CDH13: variants seen among roughly 807,000 people sequenced by gnomAD.
CDH13 encodes cadherin-13.
A neutral mutation model predicts 63.8 loss-of-function variants in CDH13; 24 were observed. That is an observed-to-expected ratio of 0.38 (90% CI 0.27 to 0.53). CDH13 has a LOEUF of 0.53. Among genes scored for constraint, CDH13 ranks in the 20% least tolerant of loss-of-function variants. The probability of loss-of-function intolerance (pLI) is 0.85; values close to 1 mark genes in which losing one functional copy is unlikely to be tolerated. For missense variants in CDH13, 1,049 were observed against 903.1 expected (o/e 1.16, Z -2.07); for synonymous variants, 503 against 355.3 (o/e 1.42, Z -4.67).
chr16:82,858,466 T>A lies in CDH13; in HGVS notation c.150T>A (p.Ile50=), dbSNP rs942768125. The change falls in exon 2 of 14, where the codon ATT becomes ATA. Residue 50 remains isoleucine (I), a synonymous_variant. Coordinates refer to ENST00000567109, the MANE Select transcript of CDH13 (RefSeq NM_001257.5). Reference sequence around the variant, plus strand: ...CTGAATTCATTGAGGACCAGTCAATTCTAAACTGTAAGCAATGTCACTCAA... The same window carrying A: ...CTGAATTCATTGAGGACCAGTCAATACTAAACTGTAAGCAATGTCACTCAA... ...QPAEFIEDQS[I]LNLTFSDCKG... 1 of 1,592,302 alleles carries A rather than the reference T, an allele frequency of 6.3e-7. No individual in the cohort carries two copies.
At chr16:83,385,089 A>G (rs2091646609) in intron 6 of CDH13, among the ~76,000 whole-genome samples, 1 of 152,242 alleles carries the variant, frequency 6.6e-6, no homozygotes, top group Admixed American at 6.5e-5. Flanking sequence ...GGGTCATGAA[A>G]TTGCATGCAT....
intron 6 of CDH13, among the ~76,000 whole-genome samples, chr16:83,347,783 C>T (rs2090870253): frequency 6.6e-6 from 1 of 152,206 alleles, no homozygotes; most frequent in South Asian, 2.1e-4. Flanking sequence ...GCCACATCTG[C>T]CTTAATTCTC....
At chr16:82,827,217 C>T (rs1259602600) in intron 1 of CDH13, among the ~76,000 whole-genome samples, 2 of 152,144 alleles carry the variant, frequency 1.3e-5, no homozygotes. Context: ...TTTGTAATTT[C>T]CCAGACAGAG....
In CDH13 at chr16:82,642,513, G is replaced by A. The variant is rs567629116; in HGVS notation, c.45+15376G>A. On this transcript the variant is annotated intron_variant, in intron 1 of 13. Coordinates refer to ENST00000567109, the MANE Select transcript of CDH13 (RefSeq NM_001257.5). ...TTTTCTCTCTCTCTTTGGTGGGAGAGCTGGCTTTCCATTAGTTAAATGTGC... is the reference window on the plus strand; with the variant it reads ...TTTTCTCTCTCTCTTTGGTGGGAGAACTGGCTTTCCATTAGTTAAATGTGC... 2.0e-5 allele frequency among the ~76,000 whole-genome samples: 3 copies of A among 152,288 alleles called. No homozygotes were observed. The South Asian group carries it at 6.2e-4, about 32-fold the overall frequency.
At chr16:83,531,862 C>T (rs1286114399) in intron 7 of CDH13, among the ~76,000 whole-genome samples, 2 of 152,178 alleles carry the variant, frequency 1.3e-5, no homozygotes, top group African/African-American at 4.8e-5. Flanking sequence ...GTTATTTCAA[C>T]CTAACAGTTT....
At chr16:83,016,487 G>A (rs982314572) in intron 2 of CDH13, among the ~76,000 whole-genome samples, 1 of 152,190 alleles carries the variant, frequency 6.6e-6, no homozygotes, top group Non-Finnish European at 1.5e-5. Flanking sequence ...TGCCCTCAAG[G>A]ATCTTCCAGA....
intron 6 of CDH13, among the ~76,000 whole-genome samples, chr16:83,480,963 A>T (rs2073746721): frequency 6.6e-6 from 1 of 152,206 alleles, no homozygotes; most frequent in Non-Finnish European, 1.5e-5. Context: ...AACGTTGTGC[A>T]CTACAGGATC....
chr16:82,633,674 G>A (rs1337417540), intron 1 of CDH13, among the ~76,000 whole-genome samples: 2 of 152,210 alleles, frequency 1.3e-5, no homozygotes, highest in African/African-American at 2.4e-5. Context: ...CACTGCGCCT[G>A]GCCAAGTACC....
intron 6 of CDH13, among the ~76,000 whole-genome samples, chr16:83,471,973 T>C (rs575280427): frequency 9.2e-5 from 14 of 152,340 alleles, no homozygotes; most frequent in African/African-American, 3.1e-4. Context: ...CATTTCACAC[T>C]AACCTTGCTT....
chr16:82,968,035 G>GACTCTA (rs1908116230), intron 2 of CDH13, among the ~76,000 whole-genome samples: 1 of 152,162 alleles, frequency 6.6e-6, no homozygotes. Context: ...CTAATGGCAT[G>GACTCTA]AGTCCTTCTA....
At chr16:83,647,046 C>T (rs373256530) in intron 8 of CDH13, among the ~76,000 whole-genome samples, 134 of 152,110 alleles carry the variant, frequency 8.8e-4, no homozygotes, top group Middle Eastern at 3.4e-3. Context: ...CGCGGTGGCT[C>T]ACGCCTGTAA....
At position 83,298,176 on chromosome 16, in the gene CDH13, G is replaced by A. The variant is rs114322043; in HGVS notation, c.637-46686G>A. The stretch of plus-strand genomic sequence containing the variant: ...GAGGAAAGCTTGAGCCCAAGAGGTC[G>A]AGGCTGTAGCGAGCAATGATCGCCC... On this transcript the variant is annotated intron_variant, in intron 5 of 13. Transcript: ENST00000567109. Among the ~76,000 whole-genome samples the A allele has an allele frequency of 4.6e-3, 707 of 152,082 alleles. 7 individuals carry two copies. Among genetic ancestry groups the A allele is most frequent in the Middle Eastern group, 0.014 (4 of 294 alleles).
intron 1 of CDH13, among the ~76,000 whole-genome samples, chr16:82,683,220 T>C (rs1476487440): frequency 1.3e-5 from 2 of 152,222 alleles, no homozygotes; most frequent in African/African-American, 4.8e-5. Context: ...TCTTGTTTAT[T>C]GCATCTGGGT....
chr16:83,575,833 A>G lies in CDH13; in HGVS notation c.961-26621A>G, dbSNP rs1343817016. Reference sequence around the variant, plus strand: ...TAATATCTGCCTCCCACACTGGGCTATAGTTTGTGTAAGAGCAAGGTCCAG... The same window carrying G: ...TAATATCTGCCTCCCACACTGGGCTGTAGTTTGTGTAAGAGCAAGGTCCAG... On this transcript the variant is annotated intron_variant, in intron 7 of 13. Transcript: ENST00000567109. Among the ~76,000 whole-genome samples the G allele has an allele frequency of 3.3e-5, 5 of 152,220 alleles. No individual in the cohort carries two copies. The East Asian group carries it at 9.6e-4, about 29-fold the overall frequency.
chr16:82,834,517 C>A (rs974282581), intron 1 of CDH13, among the ~76,000 whole-genome samples: 1 of 152,138 alleles, frequency 6.6e-6, no homozygotes, highest in African/African-American at 2.4e-5. Flanking sequence ...ATTGGTGAAG[C>A]GTAGTCATTC....
chr16:83,105,017 A>C (rs2034695062), intron 3 of CDH13, among the ~76,000 whole-genome samples: 1 of 151,928 alleles, frequency 6.6e-6, no homozygotes, highest in South Asian at 2.1e-4. Context: ...CCTTTTTTTA[A>C]CTTTTAAGTT....
chr16:83,553,551 T>G (rs879300877), intron 7 of CDH13, among the ~76,000 whole-genome samples: 3 of 152,176 alleles, frequency 2.0e-5, no homozygotes, highest in Non-Finnish European at 2.9e-5. Flanking sequence ...ATGGGTTTTT[T>G]TTGTTGTTGT....
intron 8 of CDH13, among the ~76,000 whole-genome samples, chr16:83,663,243 A>T (rs566641255): frequency 6.6e-6 from 1 of 152,032 alleles, no homozygotes; most frequent in Non-Finnish European, 1.5e-5. Context: ...ATACAAAATG[A>T]CTCCCTAGTA....
chr16:83,358,102 C>G (rs1394877045), intron 6 of CDH13, among the ~76,000 whole-genome samples: 1 of 152,182 alleles, frequency 6.6e-6, no homozygotes, highest in East Asian at 1.9e-4. Flanking sequence ...ATTCTGCTGT[C>G]CTTTAGTAAC....
Sources: gnomAD v4.1 joint callset for allele counts (sites outside exome capture counted in the v4.1 genomes callset) on GRCh38, gnomAD v4.1.1 for gene constraint, MANE v1.5 for transcripts, NCBI Gene and HGNC (gene_info 2026-07-23, HGNC 2026-07-21) for gene names.